The following MYT1L variants were observed in gnomAD, a reference collection of about 807,000 sequenced individuals.
The protein encoded by MYT1L is myelin transcription factor 1 like, also known as myelin transcription factor 1-like protein.
A neutral mutation model predicts 126.7 loss-of-function variants in MYT1L; 12 were observed. The ratio of observed to expected loss-of-function variants is 0.09; its 90% CI spans 0.06 to 0.15. The LOEUF is 0.15. Ranked by LOEUF, MYT1L falls within the 10% of genes least tolerant of loss-of-function variation. MYT1L has a pLI of 1.00. For synonymous variants in MYT1L, 541 were observed against 604.2 expected (o/e 0.90, Z 1.53); for missense variants, 979 against 1,585.2 (o/e 0.62, Z 6.49).
intron 3 of MYT1L, among the ~76,000 whole-genome samples, chr2:2,074,321 A>T (rs2074972862): frequency 1.3e-5 from 2 of 152,212 alleles, no homozygotes; most frequent in Non-Finnish European, 2.9e-5. Context: ...TAATCAATAG[A>T]AAAGACACTC....
chr2:2,083,656 T>C (rs2076064845), intron 3 of MYT1L, among the ~76,000 whole-genome samples: 1 of 152,184 alleles, frequency 6.6e-6, no homozygotes, highest in Non-Finnish European at 1.5e-5. Context: ...AATCTGACAC[T>C]TTGGAGAGGA....
intron 2 of MYT1L, among the ~76,000 whole-genome samples, chr2:2,266,489 G>C (rs1025702521): frequency 1.3e-5 from 2 of 152,180 alleles, no homozygotes; most frequent in Non-Finnish European, 2.9e-5. Flanking sequence ...ATATTGATGG[G>C]GGTGGGGTGG....
chr2:1,984,053 G>A (rs926444227), intron 5 of MYT1L, among the ~76,000 whole-genome samples: 5 of 152,298 alleles, frequency 3.3e-5, no homozygotes, highest in African/African-American at 1.2e-4. Context: ...CAATAAAGCT[G>A]TCAGGAGTGA....
intron 18 of MYT1L, among the ~76,000 whole-genome samples, chr2:1,866,662 GGAGAGGGAGGGAGAGAGAGAGGC>G (rs2045563380): frequency 4.5e-4 from 22 of 48,808 alleles, no homozygotes; most frequent in African/African-American, 2.0e-3. Flanking sequence ...AGAGAGAGAG[GGAGAGGGAGGGAGAGAGAGAGGC>G]AGAGAGAGAG....
At chr2:1,849,413 C>T (rs1025754729) in intron 19 of MYT1L, among the ~76,000 whole-genome samples, 5 of 152,206 alleles carry the variant, frequency 3.3e-5, no homozygotes, top group African/African-American at 7.2e-5. Flanking sequence ...GCGACTCACT[C>T]GTGTTCTACC....
intron 3 of MYT1L, among the ~76,000 whole-genome samples, chr2:2,122,461 A>C (rs1338616878): frequency 6.6e-6 from 1 of 152,128 alleles, no homozygotes; most frequent in Non-Finnish European, 1.5e-5. Flanking sequence ...ATTAGACTAC[A>C]CGAAGGGGTA....
At chr2:2,025,048 G>A (rs1287456613) in intron 4 of MYT1L, among the ~76,000 whole-genome samples, 2 of 152,238 alleles carry the variant, frequency 1.3e-5, no homozygotes, top group Non-Finnish European at 2.9e-5. Flanking sequence ...CATTTGTACA[G>A]TGATTTTTTT....
At chr2:1,931,718 A>G (rs1415715303) in intron 9 of MYT1L, among the ~76,000 whole-genome samples, 1 of 152,174 alleles carries the variant, frequency 6.6e-6, no homozygotes, top group Non-Finnish European at 1.5e-5. Context: ...CTGTGCGTTG[A>G]GGAGCTCGAC....
Position 2,005,307 on chromosome 2 carries a change from C to T in MYT1L, c.-157-7960G>A, listed in dbSNP as rs555582044. Among the ~76,000 whole-genome samples, 40 of 145,176 alleles carry T rather than the reference C, an allele frequency of 2.8e-4. 1 individual carries two copies. Among genetic ancestry groups the T allele is most frequent in the Admixed American group, 2.7e-4 (4 of 14,620 alleles). ...TCTTTCCTGCAGGCGTTCTTTCCTG[C>T]GTGCCTTCTTTCCTGCGTGCGTTCT... On this transcript the variant is annotated intron_variant, in intron 4 of 24. Coordinates refer to ENST00000647738, the MANE Select transcript of MYT1L (RefSeq NM_001303052.2).
At chr2:2,081,637 G>A (rs1014256238) in intron 3 of MYT1L, among the ~76,000 whole-genome samples, 28 of 152,144 alleles carry the variant, frequency 1.8e-4, no homozygotes, top group Non-Finnish European at 5.9e-5. Flanking sequence ...TGCTTCATTT[G>A]GAAAGATCTC....
intron 21 of MYT1L, among the ~76,000 whole-genome samples, chr2:1,812,064 ACACACTGTGGCTGT>A (rs1464049571): frequency 1.3e-5 from 2 of 152,178 alleles, no homozygotes; most frequent in Non-Finnish European, 2.9e-5. Context: ...CTGCCACTGG[ACACACTGTGGCTGT>A]CACACACATC....
At chr2:2,197,966 A>G (rs946566192) in intron 2 of MYT1L, among the ~76,000 whole-genome samples, 3 of 151,676 alleles carry the variant, frequency 2.0e-5, no homozygotes, top group African/African-American at 4.8e-5. Context: ...ATGAATATGT[A>G]TAGGTATAAA....
At chr2:2,012,744 C>T (rs895931349) in intron 4 of MYT1L, among the ~76,000 whole-genome samples, 5 of 152,246 alleles carry the variant, frequency 3.3e-5, no homozygotes, top group African/African-American at 1.2e-4. Context: ...CCAGTGCGTC[C>T]GTCCACACCG....
At chr2:1,817,133 T>C (rs1394435190) in intron 21 of MYT1L, 3 of 152,246 alleles carry the variant, frequency 2.0e-5, no homozygotes, top group Non-Finnish European at 2.9e-5. Flanking sequence ...CAAAGTTCCT[T>C]ATTAAGTGTA....
At chr2:2,183,424 A>G (rs532068759) in intron 2 of MYT1L, among the ~76,000 whole-genome samples, 1 of 152,152 alleles carries the variant, frequency 6.6e-6, no homozygotes, top group Admixed American at 6.5e-5. Context: ...AGGAGCCTGG[A>G]ACCAAGCCAT....
At chr2:1,963,170 T>C (rs2059096752) in intron 8 of MYT1L, among the ~76,000 whole-genome samples, 1 of 152,244 alleles carries the variant, frequency 6.6e-6, no homozygotes, top group South Asian at 2.1e-4. Flanking sequence ...CACCTCCTTG[T>C]GCATCTCCAC....
Position 1,790,792 on chromosome 2 carries a change from T to C in MYT1L, c.*1075A>G, listed in dbSNP as rs2031946212. The C allele has an allele frequency of 6.4e-6, 1 of 156,986 alleles. No homozygotes were observed. The highest frequency in any genetic ancestry group is 2.4e-5 in the African/African-American group (1 of 41,448). 9.7% of individuals were successfully genotyped at this position (156,986 alleles called of 1,614,324 possible). ...AAGACTCACAAATCATTTGCCTTTA[T>C]CCCTCAAATGTAAAATAAGAAGGTT... On this transcript the variant is annotated 3_prime_UTR_variant, in exon 25 of 25. Transcript: ENST00000647738.
chr2:2,004,026 C>A (rs1250677899), intron 4 of MYT1L, among the ~76,000 whole-genome samples: 1 of 151,334 alleles, frequency 6.6e-6, no homozygotes, highest in Non-Finnish European at 1.5e-5. Flanking sequence ...TGCATGCCTT[C>A]TTTCCTGCAT....
chr2:1,791,369 A>G lies in MYT1L; in HGVS notation c.*498T>C. ...ATGAAACAATATGCACACAAAATGTATTTCTTAAATTCCATAAAGTCCTCC... is the reference window on the plus strand; with the variant it reads ...ATGAAACAATATGCACACAAAATGTGTTTCTTAAATTCCATAAAGTCCTCC... On this transcript the variant is annotated 3_prime_UTR_variant, in exon 25 of 25. Coordinates refer to ENST00000647738, the MANE Select transcript of MYT1L (RefSeq NM_001303052.2). The surrounding 1 kb of genome is among the most constrained non-coding windows in gnomAD (Gnocchi z 6.0). 2.4e-6 allele frequency: 1 copy of G among 423,932 alleles called. No individual in the cohort carries two copies. The highest frequency in any genetic ancestry group is 4.8e-6 in the Non-Finnish European group (1 of 207,284). The allele number at this position is 423,932 out of a possible 1,614,324, so 26.3% of individuals were successfully genotyped here. A position where few individuals can be genotyped will look rare whatever the true frequency, so the allele number is the denominator to read the frequency against.
Sources: allele counts gnomAD v4.1 joint callset (sites outside exome capture counted in the v4.1 genomes callset), GRCh38; gene constraint gnomAD v4.1.1; non-coding constraint Gnocchi (gnomAD v3.1); transcripts MANE v1.5; gene names NCBI Gene and HGNC (gene_info 2026-07-23, HGNC 2026-07-21).